The following THAP7 variants were observed in gnomAD, a reference collection of about 807,000 sequenced individuals.
THAP7 encodes THAP domain-containing protein 7.
In THAP7, 22 loss-of-function variants were observed where a neutral mutation model predicts 29.2. The ratio of observed to expected loss-of-function variants is 0.75; its 90% confidence interval spans 0.54 to 1.08. THAP7 has a LOEUF of 1.08. Ranked by LOEUF, THAP7 falls within the 50% of genes least tolerant of loss-of-function variation. The probability of loss-of-function intolerance (pLI) is 0.00; values close to 1 mark genes in which losing one functional copy is unlikely to be tolerated. For missense variants in THAP7, 448 were observed against 416.2 expected (o/e 1.08, Z -0.66); for synonymous variants, 208 against 173.4 (o/e 1.20, Z -1.57).
At chr22:21,001,435 C>T (rs1408511375) in intron 1 of THAP7, 24 bp from the exon 2 acceptor site, 4 of 1,611,076 alleles carry the variant, frequency 2.5e-6, no homozygotes, top group South Asian at 1.1e-5. Context: ...AACCCGTGAG[C>T]ACCAGGCTGT....
At chr22:21,001,232 G>A (rs1569160762) in intron 2 of THAP7, 24 bp downstream of exon 2, 1 of 1,607,308 alleles carries the variant, frequency 6.2e-7, no homozygotes, top group African/African-American at 1.3e-5. Flanking sequence ...TCCTACCCCA[G>A]CGTCGGCCGG....
chr22:21,001,681 G>C (rs1330890272), intron 1 of THAP7, 151 bp downstream of exon 1: 2 of 972,918 alleles, frequency 2.1e-6, no homozygotes, highest in Non-Finnish European at 1.5e-6. Flanking sequence ...ACTGCATTCA[G>C]TCCCGCCGGG....
chr22:21,001,721 T>G, intron 1 of THAP7, 111 bp downstream of exon 1: 1 of 1,226,972 alleles, frequency 8.2e-7, no homozygotes, highest in Non-Finnish European at 1.1e-6. Context: ...CACCCACAGG[T>G]TCAAGCCTCC....
At position 21,000,375 on chromosome 22, in the gene THAP7, G is replaced by A. The variant is rs752635334; in HGVS notation, c.435C>T (p.Val145=). 24 of 1,553,610 alleles carry A rather than the reference G, an allele frequency of 1.5e-5. No individual in the cohort carries two copies. Among genetic ancestry groups the A allele is most frequent in the Admixed American group, 9.8e-5 (5 of 51,164 alleles). ...AGGCCTCTTCCACAGGAAAGCAGGT[G>A]ACATCAGCAGGTGGAGGTGGAGAAA... is the stretch of plus-strand genomic sequence containing the variant. ...TPFSPPPPAD[V]TCFPVEEASA... Residue 145 remains valine (V), a synonymous_variant, in exon 4 of 4, where the codon GTC becomes GTT. Transcript: ENST00000215742.
rs1204794772 is a variant in THAP7 at position 21,001,792 on chromosome 22, A to G, written c.80+40T>C. 21 of 1,532,414 alleles carry G rather than the reference A, an allele frequency of 1.4e-5. No individual in the cohort carries two copies. The Admixed American group carries it at 3.5e-4, about 25-fold the overall frequency. 94.9% of individuals were successfully genotyped at this position (1,532,414 alleles called of 1,614,324 possible). On this transcript the variant is annotated intron_variant, in intron 1 of 3. Coordinates refer to ENST00000215742, the MANE Select transcript of THAP7 (RefSeq NM_030573.3). ...TTGCGACCCGAGGCGAGCAACAACT[A>G]GCGCATGCGCACGTGAGCCCGCGGC...
chr22:21,000,235 C>T lies in THAP7; in HGVS notation c.575G>A (p.Ser192Asn). The change falls in exon 4 of 4, where the codon AGC becomes AAC. Residue 192 changes from serine (S) to asparagine (N), a missense_variant. Physicochemically the swap from Ser to Asn is conservative, Grantham distance 46. Coordinates refer to ENST00000215742, the MANE Select transcript of THAP7 (RefSeq NM_030573.3). ...LGAQADEAGC[S>N]AQPSPERQPS... ...CTGCCGCTCTGGTGAAGGCTGGGCG[C>T]TGCAGCCTGCTTCATCTGCCTGGGC... The T allele has an allele frequency of 1.9e-6, 3 of 1,557,286 alleles. No individual in the cohort carries two copies. Among genetic ancestry groups the T allele is most frequent in the Non-Finnish European group, 8.7e-7 (1 of 1,150,282 alleles).
chr22:21,001,890 C>T lies in THAP7; in HGVS notation c.22G>A (p.Ala8Thr), dbSNP rs1462670329. 1.2e-5 allele frequency: 19 copies of T among 1,572,548 alleles called. No homozygotes were observed. The East Asian group carries it at 4.0e-4, about 33-fold the overall frequency. MPRHCSA[A>T]GCCTRDTRET... The stretch of plus-strand genomic sequence containing the variant: ...CGCGTGTCCCGTGTGCAGCAGCCGG[C>T]GGCGGAGCAGTGACGCGGCATCTGG... The change falls in exon 1 of 4, where the codon GCC (alanine) becomes ACC (threonine). Residue 8 changes from alanine to threonine, a missense_variant. Physicochemically the swap from Ala to Thr is moderately conservative, Grantham distance 58. Transcript: ENST00000215742.
At chr22:21,000,473 G>A (rs1175673826) in intron 3 of THAP7, 41 bp from the exon 4 acceptor site, 1 of 1,538,544 alleles carries the variant, frequency 6.5e-7, no homozygotes, top group South Asian at 1.2e-5. Flanking sequence ...CTAGGCTGAG[G>A]GCTTGCCAGA....
chr22:21,000,529 G>A (rs1263140316), intron 3 of THAP7, 97 bp from the exon 4 acceptor site: 24 of 1,570,246 alleles, frequency 1.5e-5, no homozygotes, highest in Non-Finnish European at 2.1e-5. Flanking sequence ...ACCCAAACCC[G>A]ATCCACAGGT....
intron 3 of THAP7, 67 bp downstream of exon 3, chr22:21,000,580 A>C (rs1601727167): frequency 6.2e-7 from 1 of 1,603,190 alleles, no homozygotes; most frequent in African/African-American, 1.3e-5. Flanking sequence ...CTGCTGGCAG[A>C]CACCCCTAGG....
rs547306387 is a variant in THAP7, at chr22:20,999,635, A to C, written c.*245T>G. 9 of 551,210 alleles carry C rather than the reference A, an allele frequency of 1.6e-5. No individual in the cohort carries two copies. The highest frequency in any genetic ancestry group is 2.9e-5 in the Non-Finnish European group (9 of 310,434). The allele number at this position is 551,210 out of a possible 1,614,324, so 34.1% of individuals were successfully genotyped here. A position where few individuals can be genotyped will look rare whatever the true frequency, so the allele number is the denominator to read the frequency against. On this transcript the variant is annotated 3_prime_UTR_variant, in exon 4 of 4. Coordinates refer to ENST00000215742, the MANE Select transcript of THAP7 (RefSeq NM_030573.3). ...TGCCACCTGTCTACCAGTAGCTCTGAGGGGTGAGAGCCAGGCTCCCTGTTC... is the reference window on the plus strand; with the variant it reads ...TGCCACCTGTCTACCAGTAGCTCTGCGGGGTGAGAGCCAGGCTCCCTGTTC...
chr22:20,999,774 C>T lies in THAP7; in HGVS notation c.*106G>A. The T allele has an allele frequency of 7.4e-7, 1 of 1,355,108 alleles. No homozygotes were observed. The highest frequency in any genetic ancestry group is 2.5e-5 in the Admixed American group (1 of 40,798). The allele number at this position is 1,355,108 out of a possible 1,614,324, so 83.9% of individuals were successfully genotyped here. A position where few individuals can be genotyped will look rare whatever the true frequency, so the allele number is the denominator to read the frequency against. On this transcript the variant is annotated 3_prime_UTR_variant, in exon 4 of 4. Coordinates refer to ENST00000215742, the MANE Select transcript of THAP7 (RefSeq NM_030573.3). Reference sequence around the variant, plus strand: ...CCAGCTGAGCCAGACAGCAGGCCCTCCGTCTAGAATCCGCTTTATTATGGC... The same window carrying T: ...CCAGCTGAGCCAGACAGCAGGCCCTTCGTCTAGAATCCGCTTTATTATGGC...
At position 21,001,881 on chromosome 22, in the gene THAP7, A is replaced by G. The variant is rs1925192738; in HGVS notation, c.31T>C (p.Cys11Arg). The G allele has an allele frequency of 8.9e-6, 14 of 1,573,462 alleles. No homozygotes were observed. The highest frequency in any genetic ancestry group is 1.1e-5 in the Non-Finnish European group (13 of 1,160,906). The change falls in exon 1 of 4, where the codon TGC becomes CGC. Residue 11 changes from cysteine to arginine, a missense_variant. Physicochemically the swap from Cys to Arg is radical, Grantham distance 180. Transcript: ENST00000215742. ...CGCGTCTCGCGCGTGTCCCGTGTGCAGCAGCCGGCGGCGGAGCAGTGACGC... is the reference window on the plus strand; with the variant it reads ...CGCGTCTCGCGCGTGTCCCGTGTGCGGCAGCCGGCGGCGGAGCAGTGACGC... The part of the protein sequence containing the change: MPRHCSAAGC[C>R]TRDTRETRNR...
chr22:21,001,106 T>G (rs1014971115), intron 2 of THAP7, 150 bp downstream of exon 2: 32 of 1,174,524 alleles, frequency 2.7e-5, no homozygotes, highest in Non-Finnish European at 3.7e-5. Flanking sequence ...GGCACAGTGA[T>G]CCTGGGGGTG....
Position 21,001,429 on chromosome 22 carries a change from C to A in THAP7, c.81-18G>T, listed in dbSNP as rs1483559946. The A allele has an allele frequency of 6.2e-7, 1 of 1,612,254 alleles. No homozygotes were observed. Among genetic ancestry groups the A allele is most frequent in the Non-Finnish European group, 8.5e-7 (1 of 1,179,686 alleles). ...TGGGAAGTCTGTGGAGCCACAAACC[C>A]GTGAGCACCAGGCTGTCCACAGCCC... On this transcript the variant is annotated intron_variant, in intron 1 of 3. Transcript: ENST00000215742.
rs1269855338 is a variant in THAP7, at chr22:21,000,284, A to T, written c.526T>A (p.Ser176Thr). The T allele has an allele frequency of 6.4e-7, 1 of 1,557,578 alleles. No homozygotes were observed. Among genetic ancestry groups the T allele is most frequent in the Non-Finnish European group, 8.7e-7 (1 of 1,150,786 alleles). The change falls in exon 4 of 4, where the codon TCA (serine) becomes ACA (threonine). Residue 176 changes from serine to threonine, a missense_variant. Physicochemically the swap from Ser to Thr is moderately conservative, Grantham distance 58. Transcript: ENST00000215742. ...GCACCCAAGGGGCCCAGTAGGTCTGAAAAGGGGCTGCTAAGGCCAGGCTCC... is the reference window on the plus strand; with the variant it reads ...GCACCCAAGGGGCCCAGTAGGTCTGTAAAGGGGCTGCTAAGGCCAGGCTCC... ...RLEPGLSSPF[S>T]DLLGPLGAQA...
rs551372665 is a variant in THAP7, at chr22:20,999,138, T to G, written c.*742A>C. The G allele has an allele frequency of 6.6e-6, 1 of 152,166 alleles. No individual in the cohort carries two copies. The highest frequency in any genetic ancestry group is 2.4e-5 in the African/African-American group (1 of 41,440). 9.4% of individuals were successfully genotyped at this position (152,166 alleles called of 1,614,324 possible). On this transcript the variant is annotated 3_prime_UTR_variant, in exon 4 of 4. Coordinates refer to ENST00000215742, the MANE Select transcript of THAP7 (RefSeq NM_030573.3). ...GTGAGTCACCCCAAGACGGAGCTGT[T>G]TGAGAACTGCAGCTGCAGCAAGGCC...
At chr22:21,000,979 A>G (rs1925130929) in intron 2 of THAP7, 192 bp from the exon 3 acceptor site, 2 of 962,574 alleles carry the variant, frequency 2.1e-6, no homozygotes, top group Non-Finnish European at 3.0e-6. Flanking sequence ...GAAAGCCTGC[A>G]TAAGCCGAGC....
At position 20,999,187 on chromosome 22, in the gene THAP7, G is replaced by A. The variant is rs995969278; in HGVS notation, c.*693C>T. On this transcript the variant is annotated 3_prime_UTR_variant, in exon 4 of 4. Transcript: ENST00000215742. ...CCTTCCAGGTTCCTGGGAGTTGAAG[G>A]AAAAGGATGCTGAGGCCAGGACCTG... 4 of 152,194 alleles carry A rather than the reference G, an allele frequency of 2.6e-5. No homozygotes were observed. The highest frequency in any genetic ancestry group is 2.1e-4 in the South Asian group (1 of 4,826). 9.4% of individuals were successfully genotyped at this position (152,194 alleles called of 1,614,324 possible).
Sources: allele counts gnomAD v4.1 joint callset, GRCh38; gene constraint gnomAD v4.1.1; transcripts MANE v1.5; gene names NCBI Gene and HGNC (gene_info 2026-07-23, HGNC 2026-07-21).